TYRP1: variants seen among roughly 807,000 people sequenced by gnomAD.
TYRP1 encodes the protein tyrosinase related protein 1.
In TYRP1, 49 loss-of-function variants were observed where a neutral mutation model predicts 42.8. The observed-to-expected ratio is 1.14, with a 90% CI of 0.91 to 1.45. TYRP1 has a LOEUF of 1.45. Ranked by LOEUF, TYRP1 falls within the 40% of genes most tolerant of loss-of-function variation. TYRP1 has a pLI of 0.00. For synonymous variants in TYRP1, 279 were observed against 235.4 expected (o/e 1.19, Z -1.69); for missense variants, 848 against 662.0 (o/e 1.28, Z -3.08).
Position 12,709,834 on chromosome 9 carries a change from G to C in TYRP1, c.*652G>C, listed in dbSNP as rs1243422482. ...AGAGGGAAAATCTTCACTTTCTTAA[G>C]CAACAATGGATATTGCCTGTGTTTG... On this transcript the variant is annotated 3_prime_UTR_variant, in exon 8 of 8. Transcript: ENST00000388918. 6.5e-6 allele frequency: 1 copy of C among 153,140 alleles called. No homozygotes were observed. The highest frequency in any genetic ancestry group is 2.4e-5 in the African/African-American group (1 of 41,378). 9.5% of individuals were successfully genotyped at this position (153,140 alleles called of 1,614,324 possible).
intron 4 of TYRP1, 48 bp from the exon 5 acceptor site, chr9:12,702,223 A>T (rs764120559): frequency 5.0e-6 from 8 of 1,597,230 alleles, no homozygotes; most frequent in East Asian, 4.5e-5. Flanking sequence ...CGACAATAAG[A>T]ACTCCAAACA....
intron 4 of TYRP1, chr9:12,700,432 G>C (rs1215024175): frequency 6.6e-6 from 1 of 152,006 alleles, no homozygotes; most frequent in African/African-American, 2.4e-5. Flanking sequence ...CGTTCTTCCA[G>C]CCACCAAAAT....
At chr9:12,705,389 C>T (rs1818241703) in intron 6 of TYRP1, among the ~76,000 whole-genome samples, 1 of 151,986 alleles carries the variant, frequency 6.6e-6, no homozygotes, top group South Asian at 2.1e-4. Context: ...GTGCCTTTAG[C>T]TCATAACGCA....
rs142864538 is a variant in TYRP1 at position 12,708,990 on chromosome 9, T to G, written c.1422T>G (p.Ser474Arg). Residue 474 changes from serine (S) to arginine (R), a missense_variant, in exon 8 of 8, where the codon AGT (serine) becomes AGG (arginine). Physicochemically the swap from Ser to Arg is moderately radical, Grantham distance 110. Coordinates refer to ENST00000388918, the MANE Select transcript of TYRP1 (RefSeq NM_000550.3). Reference sequence around the variant, plus strand: ...CTTTCCAAATAGGTCGGGAGTTTAGTGTACCTGAGATAATTGCCATAGCAG... The same window carrying G: ...CTTTCCAAATAGGTCGGGAGTTTAGGGTACCTGAGATAATTGCCATAGCAG... ...YEIQWPSREF[S>R]VPEIIAIAVV... The G allele has an allele frequency of 1.9e-6, 3 of 1,612,508 alleles. No homozygotes were observed. The East Asian group carries it at 6.7e-5, about 36-fold the overall frequency.
chr9:12,695,637 C>T lies in TYRP1; in HGVS notation c.508C>T (p.Leu170=). The T allele has an allele frequency of 6.2e-7, 1 of 1,614,190 alleles. No homozygotes were observed. Among genetic ancestry groups the T allele is most frequent in the Non-Finnish European group, 8.5e-7 (1 of 1,180,030 alleles). The change falls in exon 3 of 8, where the codon CTG becomes TTG. Residue 170 remains leucine (L), a synonymous_variant. Coordinates refer to ENST00000388918, the MANE Select transcript of TYRP1 (RefSeq NM_000550.3). ...TGCCACCAGGAGATCAGAAGAAATA[C>T]TGGGGCCAGATGGCAACACGCCACA... ...VIATRRSEEI[L]GPDGNTPQFE...
At chr9:12,695,310 G>C (rs1204048653) in intron 2 of TYRP1, among the ~76,000 whole-genome samples, 3 of 152,108 alleles carry the variant, frequency 2.0e-5, no homozygotes, top group Admixed American at 6.6e-5. Flanking sequence ...GCAGTAAATT[G>C]GAGAGAGAAA....
intron 4 of TYRP1, chr9:12,701,673 G>A (rs16929373): frequency 0.033 from 5,040 of 152,116 alleles, 192 homozygotes; most frequent in African/African-American, 0.091. Context: ...CTTCTTTAAG[G>A]CTCCTATCAT....
intron 5 of TYRP1, among the ~76,000 whole-genome samples, chr9:12,703,933 A>G (rs1006644034): frequency 4.0e-5 from 6 of 150,596 alleles, no homozygotes; most frequent in African/African-American, 1.5e-4. Context: ...GTATATGTAT[A>G]TATGGAATTG....
intron 5 of TYRP1, among the ~76,000 whole-genome samples, chr9:12,702,689 C>A (rs2118250360): frequency 6.6e-6 from 1 of 152,062 alleles, no homozygotes; most frequent in Admixed American, 6.6e-5. Context: ...CACCCAAAAA[C>A]TTTTTAAATT....
chr9:12,705,519 A>T (rs1818243689), intron 6 of TYRP1, among the ~76,000 whole-genome samples: 1 of 152,134 alleles, frequency 6.6e-6, no homozygotes, highest in Admixed American at 6.6e-5. Flanking sequence ...TAGGACCATT[A>T]ATTGATGAAA....
chr9:12,695,411 C>T, intron 2 of TYRP1, 104 bp from the exon 3 acceptor site: 1 of 1,038,300 alleles, frequency 9.6e-7, no homozygotes, highest in South Asian at 1.4e-5. Flanking sequence ...CACATTTGAA[C>T]AGATGGATAA....
chr9:12,694,994 T>C (rs1818052831), intron 2 of TYRP1, among the ~76,000 whole-genome samples: 1 of 152,210 alleles, frequency 6.6e-6, no homozygotes, highest in South Asian at 2.1e-4. Flanking sequence ...TACTATGAGT[T>C]AGGCCTTGGG....
intron 3 of TYRP1, 34 bp downstream of exon 3, chr9:12,695,871 T>C: frequency 6.2e-7 from 1 of 1,601,664 alleles, no homozygotes; most frequent in Non-Finnish European, 8.5e-7. Flanking sequence ...GCAGACTCTT[T>C]ACAGACAAGA....
At position 12,709,374 on chromosome 9, in the gene TYRP1, T is replaced by TTTCAG. The variant is rs566025238; in HGVS notation, c.*196_*200dup. ...CAGAATCTTTTCAATGGGTTTTAAT[T>TTTCAG]TTCAGTTCTATTTAAAATGGTGAAT... On this transcript the variant is annotated 3_prime_UTR_variant, in exon 8 of 8. Coordinates refer to ENST00000388918, the MANE Select transcript of TYRP1 (RefSeq NM_000550.3). 1,602 of 610,008 alleles carry TTTCAG rather than the reference T, an allele frequency of 2.6e-3. 9 individuals carry two copies. The highest frequency in any genetic ancestry group is 0.013 in the Middle Eastern group (28 of 2,214). The allele number at this position is 610,008 out of a possible 1,614,324, so 37.8% of individuals were successfully genotyped here.
At position 12,694,194 on chromosome 9, in the gene TYRP1, G is replaced by A. The variant is rs552886190; in HGVS notation, c.198G>A (p.Glu66=). The change falls in exon 2 of 8, where the codon GAG becomes GAA. Residue 66 remains glutamate, a synonymous_variant. Transcript: ENST00000388918. ...CATCATCAGGGAGGGGCAGATGTGA[G>A]GCAGTGACTGCAGACTCCCGGCCCC... The part of the protein sequence containing the change: ...CGSSSGRGRC[E]AVTADSRPHS... The A allele has an allele frequency of 9.9e-6, 16 of 1,613,890 alleles. No homozygotes were observed. In the East Asian group the frequency reaches 2.2e-4, roughly 23 times the overall value.
In TYRP1 at chr9:12,708,049, C is replaced by T. The variant is rs753192557; in HGVS notation, c.1314C>T (p.Tyr438=). 4 of 1,612,592 alleles carry T rather than the reference C, an allele frequency of 2.5e-6. No homozygotes were observed. The Admixed American group carries it at 5.0e-5, about 20-fold the overall frequency. The part of the protein sequence containing the change: ...ENAPIGHNRQ[Y]NMVPFWPPVT... The stretch of plus-strand genomic sequence containing the variant: ...CCCCTATTGGACATAATAGACAATA[C>T]AACATGGTGCCATTCTGGCCCCCAG... The change falls in exon 7 of 8, where the codon TAC becomes TAT. Residue 438 remains tyrosine (Y), a synonymous_variant. Transcript: ENST00000388918.
Position 12,698,510 on chromosome 9 carries a change from T to G in TYRP1, c.768T>G (p.Asn256Lys). The change falls in exon 4 of 8, where the codon AAT becomes AAG. Residue 256 changes from asparagine (N) to lysine (K), a missense_variant. Physicochemically the swap from Asn to Lys is moderately conservative, Grantham distance 94. Transcript: ENST00000388918. ...ACTGGAATTTTGCAACGGGGAAAAA[T>G]GTCTGTGATATCTGCACGGATGACT... ...LPYWNFATGK[N>K]VCDICTDDLM... 6.2e-7 allele frequency: 1 copy of G among 1,613,792 alleles called. No individual in the cohort carries two copies. Among genetic ancestry groups the G allele is most frequent in the Non-Finnish European group, 8.5e-7 (1 of 1,179,826 alleles).
chr9:12,695,463 A>G (rs1027945729), intron 2 of TYRP1, 52 bp from the exon 3 acceptor site: 14 of 1,545,626 alleles, frequency 9.1e-6, no homozygotes, highest in Middle Eastern at 1.7e-4. Flanking sequence ...CTCTTTCTCT[A>G]CCCATCCCCG....
At chr9:12,705,292 C>A (rs1818240270) in intron 6 of TYRP1, among the ~76,000 whole-genome samples, 1 of 152,002 alleles carries the variant, frequency 6.6e-6, no homozygotes. Context: ...GAGAGGCTAG[C>A]ATTATTTTTC....
Sources: gnomAD v4.1 joint callset for allele counts (sites outside exome capture counted in the v4.1 genomes callset) on GRCh38, gnomAD v4.1.1 for gene constraint, MANE v1.5 for transcripts, NCBI Gene and HGNC (gene_info 2026-07-23, HGNC 2026-07-21) for gene names.